REEP1: variants seen among roughly 807,000 people sequenced by gnomAD.
The protein encoded by REEP1 is receptor expression-enhancing protein 1.
REEP1 carries 22 observed loss-of-function variants against 40.3 expected under a neutral mutation model. That is an observed-to-expected ratio of 0.55 (90% CI 0.39 to 0.78). The LOEUF (loss-of-function observed/expected upper bound fraction) is 0.78, where lower values mean the gene tolerates loss of function less well. Among genes scored for constraint, REEP1 ranks in the 30% least tolerant of loss-of-function variants. The pLI is 0.00. For missense variants in REEP1, 280 were observed against 361.1 expected, an observed-to-expected ratio of 0.78 and a Z score of 1.82; for synonymous variants, 116 against 139.2, an observed-to-expected ratio of 0.83 and a Z score of 1.17.
chr2:86,317,369 T>C (rs2104504490), intron 1 of REEP1, among the ~76,000 whole-genome samples: 1 of 152,244 alleles, frequency 6.6e-6, no homozygotes. Context: ...TTTCTTAGGG[T>C]GGTAATGGTT....
Position 86,223,836 on chromosome 2 carries a change from C to T in REEP1, c.631+3527G>A, listed in dbSNP as rs2103984937. On this transcript the variant is annotated intron_variant, in intron 7 of 8. Transcript: ENST00000538924. Reference sequence around the variant, plus strand: ...TGATTTTAAAAGGGGGGGAGGGACACCTCTATGACTAACCACACAGGCAGT... The same window carrying T: ...TGATTTTAAAAGGGGGGGAGGGACATCTCTATGACTAACCACACAGGCAGT... 2 of 151,952 alleles carry T rather than the reference C, an allele frequency of 1.3e-5. 1 individual carries two copies. Among genetic ancestry groups the T allele is most frequent in the South Asian group, 4.2e-4 (2 of 4,810 alleles). 9.4% of individuals were successfully genotyped at this position (151,952 alleles called of 1,614,324 possible).
In REEP1 at chr2:86,337,470, G is replaced by C; in HGVS notation, c.32+9C>G. ...GGGACGGAGGGGCGCGGGGGAGAAG[G>C]CCACTTACACCACCAGCCTGGAGAT... On this transcript the variant is annotated intron_variant, in intron 1 of 8. Transcript: ENST00000538924. This position sits in a 1 kb window ranked among gnomAD's most constrained non-coding sequence, Gnocchi z 5.8. 7.8e-7 allele frequency: 1 copy of C among 1,283,580 alleles called. No individual in the cohort carries two copies. Among genetic ancestry groups the C allele is most frequent in the Non-Finnish European group, 9.9e-7 (1 of 1,008,898 alleles). The allele number at this position is 1,283,580 out of a possible 1,614,324, so 79.5% of individuals were successfully genotyped here.
At chr2:86,225,915 A>G (rs1674656714) in intron 7 of REEP1, among the ~76,000 whole-genome samples, 1 of 152,174 alleles carries the variant, frequency 6.6e-6, no homozygotes, top group African/African-American at 2.4e-5. Context: ...TAATGTGTCT[A>G]CTTAAGGTTA....
Position 86,254,819 on chromosome 2 carries a change from A to C in REEP1, c.183-5T>G. On this transcript the variant is annotated splice_region_variant and splice_polypyrimidine_tract_variant and intron_variant, in intron 3 of 8. Transcript: ENST00000538924. ...AGTTCATAATAGAATGGAAACCTGG[A>C]GAGAGAGATGAAAACACAAGTTCTG... The C allele has an allele frequency of 6.2e-7, 1 of 1,613,734 alleles. No homozygotes were observed.
At chr2:86,244,397 A>G (rs1003707327) in intron 5 of REEP1, among the ~76,000 whole-genome samples, 1 of 151,706 alleles carries the variant, frequency 6.6e-6, no homozygotes, top group East Asian at 1.9e-4. Context: ...TTTAAGTAGA[A>G]AAACAAAATA....
intron 1 of REEP1, among the ~76,000 whole-genome samples, chr2:86,302,921 T>C (rs1272833030): frequency 3.3e-5 from 5 of 152,312 alleles, no homozygotes; most frequent in Non-Finnish European, 7.4e-5. Context: ...ACTGTCATGA[T>C]ACAAAGATGA....
intron 6 of REEP1, among the ~76,000 whole-genome samples, chr2:86,227,615 CA>C (rs1186530926): frequency 6.6e-6 from 1 of 152,220 alleles, no homozygotes; most frequent in African/African-American, 2.4e-5. Context: ...ACCTGGCACA[CA>C]AAGTCAGTCC....
chr2:86,317,517 C>T (rs567522281), intron 1 of REEP1, among the ~76,000 whole-genome samples: 167 of 152,320 alleles, frequency 1.1e-3, no homozygotes, highest in African/African-American at 4.0e-3. Flanking sequence ...ATTACCAAGA[C>T]ATTTGCCTTT....
intron 1 of REEP1, among the ~76,000 whole-genome samples, chr2:86,329,955 C>T (rs910083350): frequency 6.6e-6 from 1 of 152,142 alleles, no homozygotes; most frequent in Non-Finnish European, 1.5e-5. Flanking sequence ...GTTAGGGGAC[C>T]TAGGAGAGGC....
At chr2:86,257,351 TA>T (rs1044935302) in intron 3 of REEP1, among the ~76,000 whole-genome samples, 27 of 152,280 alleles carry the variant, frequency 1.8e-4, no homozygotes, top group Admixed American at 1.6e-3. Flanking sequence ...AAAAAAATTC[TA>T]AAAGTCCAAA....
chr2:86,219,752 C>A (rs1166161731), intron 8 of REEP1, among the ~76,000 whole-genome samples: 2 of 152,152 alleles, frequency 1.3e-5, no homozygotes, highest in African/African-American at 4.8e-5. Context: ...GGCTCACGCT[C>A]CTATTTCTAA....
intron 5 of REEP1, among the ~76,000 whole-genome samples, chr2:86,250,239 G>A (rs987164436): frequency 6.6e-6 from 1 of 152,144 alleles, no homozygotes; most frequent in African/African-American, 2.4e-5. Context: ...ACCAGGTGAC[G>A]CACACTGAAC....
intron 5 of REEP1, among the ~76,000 whole-genome samples, chr2:86,243,442 A>G (rs1236235562): frequency 1.3e-5 from 2 of 152,192 alleles, no homozygotes; most frequent in African/African-American, 4.8e-5. Context: ...CACAGAACAG[A>G]GCAGGTAAGT....
Position 86,337,425 on chromosome 2 carries a change from G to A in REEP1, c.32+54C>T. On this transcript the variant is annotated intron_variant, in intron 1 of 8. Coordinates refer to ENST00000538924, the MANE Select transcript of REEP1 (RefSeq NM_001371279.1). The surrounding 1 kb of genome is among the most constrained non-coding windows in gnomAD (Gnocchi z 5.8). ...CGCTGTAGGGGCGCGCGCAGCCCGG[G>A]GCCGGGGGCGGGGAGGGAGGGGACG... The A allele has an allele frequency of 3.4e-6, 4 of 1,180,140 alleles. No individual in the cohort carries two copies. Among genetic ancestry groups the A allele is most frequent in the Middle Eastern group, 3.4e-4 (1 of 2,976 alleles). The allele number at this position is 1,180,140 out of a possible 1,614,324, so 73.1% of individuals were successfully genotyped here. A position where few individuals can be genotyped will look rare whatever the true frequency, so the allele number is the denominator to read the frequency against.
rs1271125294 is a variant in REEP1, at chr2:86,264,178, A to G, written c.106-137T>C. The G allele has an allele frequency of 7.0e-6, 5 of 719,156 alleles. No homozygotes were observed. The East Asian group carries it at 8.1e-5, about 12-fold the overall frequency. The allele number at this position is 719,156 out of a possible 1,614,324, so 44.5% of individuals were successfully genotyped here. On this transcript the variant is annotated intron_variant, in intron 2 of 8. Transcript: ENST00000538924. ...AGCCTGCATTTGTAGCCTTCTCCCTATCCTTCCCCAGCTTATGTCCAGTTC... is the reference window on the plus strand; with the variant it reads ...AGCCTGCATTTGTAGCCTTCTCCCTGTCCTTCCCCAGCTTATGTCCAGTTC...
chr2:86,280,213 C>T (rs1468099124), intron 2 of REEP1, among the ~76,000 whole-genome samples: 1 of 152,236 alleles, frequency 6.6e-6, no homozygotes, highest in Non-Finnish European at 1.5e-5. Context: ...CCTGATACTA[C>T]TCGGCTTGTT....
At chr2:86,327,385 C>T (rs952140735) in intron 1 of REEP1, among the ~76,000 whole-genome samples, 2 of 151,956 alleles carry the variant, frequency 1.3e-5, no homozygotes, top group Non-Finnish European at 2.9e-5. Context: ...AAGCTTGCCA[C>T]CTTCTAAGAA....
chr2:86,261,611 T>C (rs894765121), intron 3 of REEP1, among the ~76,000 whole-genome samples: 7 of 152,216 alleles, frequency 4.6e-5, no homozygotes, highest in Non-Finnish European at 1.0e-4. Context: ...CGCAGGGACC[T>C]CTGCCTAGGA....
chr2:86,311,545 TC>T (rs1679765259), intron 1 of REEP1, among the ~76,000 whole-genome samples: 1 of 152,104 alleles, frequency 6.6e-6, no homozygotes, highest in South Asian at 2.1e-4. Flanking sequence ...TCCCTGGAGT[TC>T]CTCGGCCTGG....
Sources: gnomAD v4.1 joint callset for allele counts (sites outside exome capture counted in the v4.1 genomes callset) on GRCh38, gnomAD v4.1.1 for gene constraint, Gnocchi (gnomAD v3.1) non-coding constraint, MANE v1.5 for transcripts, NCBI Gene and HGNC (gene_info 2026-07-23, HGNC 2026-07-21) for gene names.